HMGN5: variants seen among roughly 807,000 people sequenced by gnomAD.
HMGN5 encodes the protein high mobility group nucleosome-binding domain-containing protein 5.
A neutral mutation model predicts 9.5 loss-of-function variants in HMGN5; 4 were observed. That is an observed-to-expected ratio of 0.42 (90% CI 0.21 to 0.96). The LOEUF (loss-of-function observed/expected upper bound fraction) is 0.96, where lower values mean the gene tolerates loss of function less well. Among genes scored for constraint, HMGN5 ranks in the 40% least tolerant of loss-of-function variants. The probability of loss-of-function intolerance (pLI) is 0.30; values close to 1 mark genes in which losing one functional copy is unlikely to be tolerated. For synonymous variants in HMGN5, 55 were observed against 57.1 expected (o/e 0.96, Z 0.16); for missense variants, 192 against 187.5 (o/e 1.02, Z -0.14).
chrX:81,163,508 A>G (rs1375472048), intron 1 of HMGN5, among the ~76,000 whole-genome samples: 1 of 112,036 alleles, frequency 8.9e-6, no homozygotes. Context: ...TGGCTGAGGA[A>G]TTCCATCTCT....
intron 1 of HMGN5, among the ~76,000 whole-genome samples, chrX:81,177,367 C>CAAAAAAAAAAAAAAAAAAAAA (rs148090852): frequency 9.4e-5 from 1 of 10,664 alleles, no homozygotes; most frequent in Non-Finnish European, 1.7e-4. Context: ...AAATGGAAAG[C>CAAAAAAAAAAAAAAAAAAAAA]AAAAAAAAAA....
intron 1 of HMGN5, among the ~76,000 whole-genome samples, chrX:81,196,531 T>C (rs956571843): frequency 4.6e-5 from 5 of 108,561 alleles, no homozygotes; most frequent in African/African-American, 1.7e-4. Context: ...CTCATGGGTT[T>C]TTTTTGTTTG....
At chrX:81,139,372 A>G (rs2075321266) in intron 1 of HMGN5, among the ~76,000 whole-genome samples, 1 of 111,838 alleles carries the variant, frequency 8.9e-6, no homozygotes, top group Non-Finnish European at 1.9e-5. Flanking sequence ...ATAGGCAACG[A>G]TGAACCTTGA....
At chrX:81,160,843 A>T (rs182558048) in intron 1 of HMGN5, among the ~76,000 whole-genome samples, 1 of 111,447 alleles carries the variant, frequency 9.0e-6, no homozygotes, top group East Asian at 2.8e-4. Flanking sequence ...TTTTGAGTGG[A>T]CATCTTCAAC....
At chrX:81,151,026 A>G (rs971219237) in intron 1 of HMGN5, among the ~76,000 whole-genome samples, 1 of 112,059 alleles carries the variant, frequency 8.9e-6, no homozygotes, top group Non-Finnish European at 1.9e-5. Context: ...AATTCTATGA[A>G]AAATTTAACT....
chrX:81,176,320 T>A (rs2075441545), intron 1 of HMGN5, among the ~76,000 whole-genome samples: 1 of 111,374 alleles, frequency 9.0e-6, no homozygotes, highest in African/African-American at 3.3e-5. Context: ...ACCACAAAGA[T>A]AGGGAGAAAC....
chrX:81,201,812 T>A lies in HMGN5; in HGVS notation c.-199A>T, dbSNP rs1233155703. The A allele has an allele frequency of 4.1e-5, 7 of 171,410 alleles. No individual in the cohort carries two copies. The highest frequency in any genetic ancestry group is 7.6e-5 in the Non-Finnish European group (7 of 92,166). The allele number at this position is 171,410 out of a possible 1,213,427, so 14.1% of individuals were successfully genotyped here. ...GAAGTTATGCGCAGTACTTTTAGTCTCCGCGTGAAAAGGTCCTTCATGCTA... is the reference window on the plus strand; with the variant it reads ...GAAGTTATGCGCAGTACTTTTAGTCACCGCGTGAAAAGGTCCTTCATGCTA... On this transcript the variant is annotated 5_prime_UTR_variant, in exon 1 of 7. The change creates a premature stop within an existing upstream ORF in the 5' untranslated region. Transcript: ENST00000358130.
chrX:81,180,054 A>G (rs1379690125), intron 1 of HMGN5, among the ~76,000 whole-genome samples: 1 of 111,781 alleles, frequency 8.9e-6, no homozygotes, highest in African/African-American at 3.3e-5. Context: ...AAATTAATTC[A>G]AGATGGATTA....
chrX:81,135,248 T>C lies in HMGN5; in HGVS notation c.-123-13576A>G, dbSNP rs190113016. Among the ~76,000 whole-genome samples the C allele has an allele frequency of 3.8e-4, 43 of 111,766 alleles. 1 individual carries two copies. Among genetic ancestry groups the C allele is most frequent in the Admixed American group, 3.5e-3 (37 of 10,507 alleles). On this transcript the variant is annotated intron_variant, in intron 1 of 6. Transcript: ENST00000358130. Reference sequence around the variant, plus strand: ...CAACAAGGGAATTTTATCCAGAATATATAAAGAACTCTCACATCTCAATAA... The same window carrying C: ...CAACAAGGGAATTTTATCCAGAATACATAAAGAACTCTCACATCTCAATAA...
At chrX:81,200,656 A>G (rs1442107299) in intron 1 of HMGN5, among the ~76,000 whole-genome samples, 2 of 111,577 alleles carry the variant, frequency 1.8e-5, no homozygotes, top group African/African-American at 6.5e-5. Flanking sequence ...GAGTTGAACA[A>G]TGAGAACACA....
chrX:81,148,122 G>GA (rs1164524197), intron 1 of HMGN5, among the ~76,000 whole-genome samples: 1 of 111,917 alleles, frequency 8.9e-6, no homozygotes, highest in Non-Finnish European at 1.9e-5. Context: ...CACTGAACTG[G>GA]AAAAAATTAC....
intron 1 of HMGN5, among the ~76,000 whole-genome samples, chrX:81,148,468 A>G (rs985746066): frequency 7.1e-5 from 8 of 112,061 alleles, no homozygotes; most frequent in African/African-American, 2.6e-4. Flanking sequence ...TACGCCTTAT[A>G]CAGAAATTAA....
At chrX:81,119,150 A>G (rs910881018) in intron 3 of HMGN5, among the ~76,000 whole-genome samples, 14 of 111,711 alleles carry the variant, frequency 1.3e-4, no homozygotes, top group Non-Finnish European at 3.8e-5. Context: ...AGTTTTTAAT[A>G]CTTACTATAT....
intron 5 of HMGN5, among the ~76,000 whole-genome samples, 177 bp downstream of exon 5, chrX:81,118,255 C>T (rs972358485): frequency 4.5e-5 from 5 of 110,503 alleles, no homozygotes; most frequent in Non-Finnish European, 7.6e-5. Flanking sequence ...TGGACAATCA[C>T]AAAACAGAAC....
chrX:81,176,663 G>A lies in HMGN5; in HGVS notation c.-124+25074C>T, dbSNP rs1408407707. Among the ~76,000 whole-genome samples the A allele has an allele frequency of 6.3e-5, 7 of 111,650 alleles. No individual in the cohort carries two copies. In the Admixed American group the frequency reaches 6.7e-4, roughly 11 times the overall value. The stretch of plus-strand genomic sequence containing the variant: ...ATGCACATGCTTCAGTAGCCAATTT[G>A]AAAAGTGGAAGAAAGGCTATCAGTG... On this transcript the variant is annotated intron_variant, in intron 1 of 6. Transcript: ENST00000358130.
intron 1 of HMGN5, among the ~76,000 whole-genome samples, chrX:81,155,432 A>G (rs2147567236): frequency 9.1e-6 from 1 of 109,351 alleles, no homozygotes; most frequent in East Asian, 2.9e-4. Context: ...GAGAGTTAAA[A>G]CTTATGTTCA....
At chrX:81,184,241 T>G (rs902617620) in intron 1 of HMGN5, among the ~76,000 whole-genome samples, 1 of 111,712 alleles carries the variant, frequency 9.0e-6, no homozygotes, top group Non-Finnish European at 1.9e-5. Context: ...ACAATAGTAA[T>G]TATTGTGAGA....
At chrX:81,156,294 C>G (rs2075382733) in intron 1 of HMGN5, among the ~76,000 whole-genome samples, 1 of 112,007 alleles carries the variant, frequency 8.9e-6, no homozygotes, top group African/African-American at 3.2e-5. Flanking sequence ...TCAAGGTAGG[C>G]CAAGGTATGG....
chrX:81,155,440 T>A (rs1264469821), intron 1 of HMGN5, among the ~76,000 whole-genome samples: 1 of 109,341 alleles, frequency 9.1e-6, no homozygotes, highest in Admixed American at 9.9e-5. Context: ...AAACTTATGT[T>A]CACACATAAA....
Sources: gnomAD v4.1 joint callset for allele counts (sites outside exome capture counted in the v4.1 genomes callset) on GRCh38, gnomAD v4.1.1 for gene constraint, MANE v1.5 for transcripts, NCBI Gene and HGNC (gene_info 2026-07-23, HGNC 2026-07-21) for gene names.